The following TMEM117 variants were observed in gnomAD, a reference collection of about 807,000 sequenced individuals.
The protein encoded by TMEM117 is transmembrane protein 117.
TMEM117 carries 27 observed loss-of-function variants against 52.4 expected under a neutral mutation model. That is an observed-to-expected ratio of 0.51 (90% CI 0.38 to 0.71). TMEM117 has a LOEUF of 0.71. Among genes scored for constraint, TMEM117 ranks in the 30% least tolerant of loss-of-function variants. The pLI is 0.00. For synonymous variants in TMEM117, 215 were observed against 206.3 expected (o/e 1.04, Z -0.36); for missense variants, 556 against 630.5 (o/e 0.88, Z 1.26).
intron 2 of TMEM117, among the ~76,000 whole-genome samples, chr12:43,908,557 G>C (rs1258832355): frequency 1.3e-5 from 2 of 151,050 alleles, no homozygotes; most frequent in African/African-American, 2.4e-5. Flanking sequence ...CTGGCAAATT[G>C]GATAAAGAGT....
the TMEM117 span, chr12:43,798,552 T>G: frequency 6.6e-7 from 1 of 1,522,948 alleles, no homozygotes; most frequent in Non-Finnish European, 8.8e-7. Context: ...ATAGAACATA[T>G]GCGAATGCAT....
At chr12:43,849,445 G>A (rs1211970416) in intron 2 of TMEM117, among the ~76,000 whole-genome samples, 1 of 152,122 alleles carries the variant, frequency 6.6e-6, no homozygotes, top group Admixed American at 6.5e-5. Context: ...TTTTGTAATT[G>A]CAACATTTTG....
chr12:43,841,777 T>G (rs1223701813), intron 1 of TMEM117, among the ~76,000 whole-genome samples: 1 of 152,194 alleles, frequency 6.6e-6, no homozygotes, highest in Non-Finnish European at 1.5e-5. Flanking sequence ...GAGGTGACTT[T>G]GGGCCAGTTA....
chr12:43,962,477 T>C (rs1231478006), intron 3 of TMEM117, among the ~76,000 whole-genome samples: 1 of 152,222 alleles, frequency 6.6e-6, no homozygotes, highest in Non-Finnish European at 1.5e-5. Context: ...TTAATATCCT[T>C]ATTTAATTTT....
chr12:44,328,929 T>G (rs904423547), intron 6 of TMEM117, among the ~76,000 whole-genome samples: 1 of 151,922 alleles, frequency 6.6e-6, no homozygotes, highest in Non-Finnish European at 1.5e-5. Flanking sequence ...AGACAAGTCT[T>G]GGATAGCTCA....
At chr12:44,181,666 A>G (rs1012526849) in intron 4 of TMEM117, among the ~76,000 whole-genome samples, 15 of 151,784 alleles carry the variant, frequency 9.9e-5, no homozygotes, top group Admixed American at 7.9e-4. Context: ...ATAGTTGTAG[A>G]TATGTGGCGT....
chr12:43,954,686 A>G (rs1452302262), intron 3 of TMEM117, among the ~76,000 whole-genome samples: 1 of 151,332 alleles, frequency 6.6e-6, no homozygotes, highest in African/African-American at 2.4e-5. Context: ...GCCCAGGTCC[A>G]GAATTCTACC....
intron 2 of TMEM117, among the ~76,000 whole-genome samples, chr12:43,941,093 G>C (rs1406875035): frequency 1.3e-5 from 2 of 152,108 alleles, no homozygotes; most frequent in Middle Eastern, 3.4e-3. Flanking sequence ...TTCTTTGACT[G>C]TATTGAAGGT....
chr12:43,833,864 G>A (rs1942996510), upstream of TMEM117, among the ~76,000 whole-genome samples: 1 of 151,982 alleles, frequency 6.6e-6, no homozygotes, highest in South Asian at 2.1e-4. Context: ...AGGATGAGGT[G>A]GGCAGATCAC....
At chr12:44,047,727 C>G (rs2137915558) in intron 3 of TMEM117, among the ~76,000 whole-genome samples, 1 of 152,230 alleles carries the variant, frequency 6.6e-6, no homozygotes, top group Non-Finnish European at 1.5e-5. Flanking sequence ...AGAGAAAAAT[C>G]CCCAATTGGT....
intron 3 of TMEM117, among the ~76,000 whole-genome samples, chr12:44,019,354 C>T (rs1565794575): frequency 6.6e-6 from 1 of 152,016 alleles, no homozygotes; most frequent in Non-Finnish European, 1.5e-5. Context: ...ATTGTAGTTT[C>T]ACAGAAACGC....
At chr12:44,094,964 T>C (rs930756347) in intron 3 of TMEM117, among the ~76,000 whole-genome samples, 1 of 152,178 alleles carries the variant, frequency 6.6e-6, no homozygotes, top group Non-Finnish European at 1.5e-5. Context: ...GTCATATTTT[T>C]ACACTGGTAA....
chr12:44,365,932 A>G (rs2138821588), intron 6 of TMEM117, among the ~76,000 whole-genome samples: 1 of 152,200 alleles, frequency 6.6e-6, no homozygotes, highest in South Asian at 2.1e-4. Flanking sequence ...GGTCTCTACC[A>G]GTAATCTTTT....
rs3828615 is a variant in TMEM117, at chr12:44,254,068, A to G, written c.608+42681A>G. On this transcript the variant is annotated intron_variant, in intron 5 of 7. Transcript: ENST00000266534. ...AACCAACTCAATGACAACAATAACC[A>G]CTGTGAAGCAAAAAATAAAAAATAA... is the stretch of plus-strand genomic sequence containing the variant. Among the ~76,000 whole-genome samples, 23 of 151,578 alleles carry G rather than the reference A, an allele frequency of 1.5e-4. No homozygotes were observed. The East Asian group carries it at 3.9e-3, about 26-fold the overall frequency.
At chr12:44,180,900 C>T (rs1180325983) in intron 4 of TMEM117, among the ~76,000 whole-genome samples, 11 of 151,642 alleles carry the variant, frequency 7.3e-5, no homozygotes, top group Admixed American at 1.3e-4. Flanking sequence ...ATGGTATTTC[C>T]AGTTCTAGAT....
chr12:44,214,963 C>A (rs1243829075), intron 5 of TMEM117, among the ~76,000 whole-genome samples: 1 of 151,986 alleles, frequency 6.6e-6, no homozygotes, highest in Admixed American at 6.6e-5. Context: ...GTTCTTTTAG[C>A]CCTAGGAGAT....
intron 4 of TMEM117, among the ~76,000 whole-genome samples, chr12:44,145,418 A>G (rs17094156): frequency 0.12 from 18,989 of 152,254 alleles, 1,358 homozygotes; most frequent in East Asian, 0.3. Context: ...CCTACAAATA[A>G]TGAACAGTTC....
the TMEM117 span, among the ~76,000 whole-genome samples, chr12:43,813,884 C>CT: frequency 6.6e-6 from 1 of 151,982 alleles, no homozygotes; most frequent in Non-Finnish European, 1.5e-5. Context: ...CCCTCCCTCC[C>CT]TTACTTTCTT....
intron 3 of TMEM117, chr12:44,073,511 A>G (rs1171160774): frequency 6.6e-6 from 1 of 152,216 alleles, no homozygotes; most frequent in Non-Finnish European, 1.5e-5. Context: ...ACTATTATTG[A>G]GGTTTTCCAA....
Sources: gnomAD v4.1 joint callset for allele counts (sites outside exome capture counted in the v4.1 genomes callset) on GRCh38, gnomAD v4.1.1 for gene constraint, MANE v1.5 for transcripts, NCBI Gene and HGNC (gene_info 2026-07-23, HGNC 2026-07-21) for gene names.